The following KLF12 variants were observed in gnomAD, a reference collection of about 807,000 sequenced individuals.
KLF12 encodes KLF transcription factor 12, also known as Krueppel-like factor 12.
A neutral mutation model predicts 37.8 loss-of-function variants in KLF12; 9 were observed. The ratio of observed to expected loss-of-function variants is 0.24; its 90% confidence interval spans 0.14 to 0.42. The LOEUF (loss-of-function observed/expected upper bound fraction) is 0.42, where lower values mean the gene tolerates loss of function less well. Among genes scored for constraint, KLF12 ranks in the 10% least tolerant of loss-of-function variants. The probability of loss-of-function intolerance (pLI) is 1.00; values close to 1 mark genes in which losing one functional copy is unlikely to be tolerated. For missense variants in KLF12, 411 were observed against 516.0 expected, an observed-to-expected ratio of 0.80 and a Z score of 1.97; for synonymous variants, 208 against 202.1, an observed-to-expected ratio of 1.03 and a Z score of -0.25.
intron 4 of KLF12, among the ~76,000 whole-genome samples, chr13:73,841,205 G>A (rs944261635): frequency 6.6e-6 from 1 of 152,134 alleles, no homozygotes; most frequent in African/African-American, 2.4e-5. Context: ...CTGCATATCG[G>A]AAGGAAGGAG....
chr13:74,179,689 T>G, the KLF12 span, among the ~76,000 whole-genome samples: 1 of 152,176 alleles, frequency 6.6e-6, no homozygotes, highest in Non-Finnish European at 1.5e-5. Flanking sequence ...CTAAGGTTGC[T>G]TTATCAAAAT....
intron 4 of KLF12, among the ~76,000 whole-genome samples, chr13:73,843,230 G>T (rs556698283): frequency 5.9e-5 from 9 of 151,678 alleles, no homozygotes; most frequent in African/African-American, 2.2e-4. Context: ...ATTGATTTTG[G>T]TATTTTTTGG....
intron 3 of KLF12, among the ~76,000 whole-genome samples, chr13:73,910,249 AT>A (rs1272172012): frequency 6.6e-6 from 1 of 152,178 alleles, no homozygotes; most frequent in Non-Finnish European, 1.5e-5. Flanking sequence ...AAATTTTAAA[AT>A]TCTGTAGTGT....
chr13:73,930,084 A>T (rs956817978), intron 3 of KLF12, among the ~76,000 whole-genome samples: 1 of 152,222 alleles, frequency 6.6e-6, no homozygotes, highest in Non-Finnish European at 1.5e-5. Flanking sequence ...ATATAGGTGC[A>T]ACTGCATTTG....
the KLF12 span, among the ~76,000 whole-genome samples, chr13:74,139,937 A>G: frequency 6.6e-6 from 1 of 152,094 alleles, no homozygotes; most frequent in Non-Finnish European, 1.5e-5. Context: ...AAGTTTATCT[A>G]GTTTGCAAAA....
chr13:73,855,464 T>C (rs1481260750), intron 3 of KLF12, among the ~76,000 whole-genome samples: 1 of 152,224 alleles, frequency 6.6e-6, no homozygotes, highest in Admixed American at 6.5e-5. Flanking sequence ...CCACGGTGTA[T>C]ATGTACCACA....
At chr13:74,101,384 T>C (rs138244250) in intron 1 of KLF12, among the ~76,000 whole-genome samples, 119 of 152,274 alleles carry the variant, frequency 7.8e-4, no homozygotes, top group African/African-American at 2.6e-3. Context: ...GTCATCTTAT[T>C]CCAGCAGACT....
chr13:74,107,537 CGT>C (rs774631427), intron 1 of KLF12, among the ~76,000 whole-genome samples: 2 of 152,174 alleles, frequency 1.3e-5, no homozygotes. Flanking sequence ...TCTCTCTCAC[CGT>C]GTGTGTATTT....
chr13:73,958,906 A>G (rs964551382), intron 2 of KLF12, among the ~76,000 whole-genome samples: 5 of 152,116 alleles, frequency 3.3e-5, no homozygotes, highest in Non-Finnish European at 5.9e-5. Context: ...GTGTGCCCCA[A>G]CTGGAAAACA....
At position 73,735,900 on chromosome 13, in the gene KLF12, G is replaced by A. The variant is rs183344725; in HGVS notation, c.870-20375C>T. The stretch of plus-strand genomic sequence containing the variant: ...GGCCAACTGGGTCAAGATTTTGAAT[G>A]CTGCGACCAAGTACTTGTCTTTGCC... On this transcript the variant is annotated intron_variant, in intron 6 of 7. Coordinates refer to ENST00000377669, the MANE Select transcript of KLF12 (RefSeq NM_007249.5). Among the ~76,000 whole-genome samples the A allele has an allele frequency of 1.7e-3, 257 of 152,044 alleles. 1 individual carries two copies. Among genetic ancestry groups the A allele is most frequent in the Middle Eastern group, 3.4e-3 (1 of 294 alleles).
intron 6 of KLF12, among the ~76,000 whole-genome samples, chr13:73,745,318 T>C (rs1435369357): frequency 1.3e-5 from 2 of 152,182 alleles, no homozygotes; most frequent in Non-Finnish European, 2.9e-5. Context: ...ATCATGACGT[T>C]GTGAAAGAGC....
At chr13:74,124,326 C>T (rs1877813075) in intron 1 of KLF12, among the ~76,000 whole-genome samples, 1 of 152,186 alleles carries the variant, frequency 6.6e-6, no homozygotes, top group African/African-American at 2.4e-5. Context: ...TCAAGCAACA[C>T]TTCTGATAAA....
At chr13:73,885,073 T>C (rs566424647) in intron 3 of KLF12, among the ~76,000 whole-genome samples, 11 of 152,352 alleles carry the variant, frequency 7.2e-5, no homozygotes, top group African/African-American at 2.2e-4. Flanking sequence ...CTAATTACTT[T>C]CCTAGGTAAT....
intron 1 of KLF12, among the ~76,000 whole-genome samples, chr13:74,085,713 T>A (rs569380696): frequency 3.9e-5 from 6 of 152,282 alleles, no homozygotes; most frequent in African/African-American, 1.4e-4. Context: ...GACAACTTGA[T>A]TGTGCACCAA....
chr13:73,861,670 CTTTTT>C (rs1373212463), intron 3 of KLF12, among the ~76,000 whole-genome samples: 1 of 152,042 alleles, frequency 6.6e-6, no homozygotes, highest in Non-Finnish European at 1.5e-5. Context: ...TTATATATTA[CTTTTT>C]TTTAATTTGT....
Position 73,805,320 on chromosome 13 carries a change from T to G in KLF12, c.806+7832A>C, listed in dbSNP as rs1033727294. 4.6e-5 allele frequency among the ~76,000 whole-genome samples: 7 copies of G among 152,130 alleles called. No individual in the cohort carries two copies. The East Asian group carries it at 1.4e-3, about 29-fold the overall frequency. On this transcript the variant is annotated intron_variant, in intron 5 of 7. Coordinates refer to ENST00000377669, the MANE Select transcript of KLF12 (RefSeq NM_007249.5). ...TTAAAATAACAATGGATTTGAAGAT[T>G]AGAAGTTTTAAAATTAATGCTGGAT...
At chr13:73,843,632 A>C (rs1304504685) in intron 4 of KLF12, among the ~76,000 whole-genome samples, 3 of 152,086 alleles carry the variant, frequency 2.0e-5, no homozygotes, top group Non-Finnish European at 4.4e-5. Flanking sequence ...TAATCTTCCC[A>C]ATAATCTTCT....
chr13:73,841,105 C>T lies in KLF12; in HGVS notation c.670+4722G>A, dbSNP rs192007730. Among the ~76,000 whole-genome samples the T allele has an allele frequency of 9.2e-4, 140 of 152,282 alleles. 2 individuals carry two copies. Among genetic ancestry groups the T allele is most frequent in the Admixed American group, 4.8e-3 (73 of 15,282 alleles). Reference sequence around the variant, plus strand: ...ATCTGATACACATGAACTGTCACTGCTACTAGAATGTAAGGTCCCTGACAG... The same window carrying T: ...ATCTGATACACATGAACTGTCACTGTTACTAGAATGTAAGGTCCCTGACAG... On this transcript the variant is annotated intron_variant, in intron 4 of 7. Coordinates refer to ENST00000377669, the MANE Select transcript of KLF12 (RefSeq NM_007249.5).
intron 1 of KLF12, among the ~76,000 whole-genome samples, chr13:74,034,499 G>GT (rs1893196139): frequency 6.6e-6 from 1 of 152,078 alleles, no homozygotes; most frequent in Admixed American, 6.6e-5. Context: ...GTTGTAAATG[G>GT]TTTTTACCAC....
Sources: allele counts gnomAD v4.1 joint callset (sites outside exome capture counted in the v4.1 genomes callset), GRCh38; gene constraint gnomAD v4.1.1; transcripts MANE v1.5; gene names NCBI Gene and HGNC (gene_info 2026-07-23, HGNC 2026-07-21).